LRIG1: variants seen among roughly 807,000 people sequenced by gnomAD.
The protein encoded by LRIG1 is leucine rich repeats and immunoglobulin like domains 1.
A neutral mutation model predicts 99.2 loss-of-function variants in LRIG1; 48 were observed. The ratio of observed to expected loss-of-function variants is 0.48; its 90% confidence interval spans 0.38 to 0.62. LRIG1 has a LOEUF of 0.62. Ranked by LOEUF, LRIG1 falls within the 20% of genes least tolerant of loss-of-function variation. LRIG1 has a pLI of 0.00. For synonymous variants in LRIG1, 772 were observed against 596.1 expected (o/e 1.29, Z -4.30); for missense variants, 1,646 against 1,434.4 (o/e 1.15, Z -2.38).
At chr3:66,392,172 A>G in intron 12 of LRIG1, among the ~76,000 whole-genome samples, 1 of 152,210 alleles carries the variant, frequency 6.6e-6, no homozygotes, top group East Asian at 1.9e-4. Flanking sequence ...GTATGGCTAT[A>G]CCACCTTTTG....
intron 3 of LRIG1, among the ~76,000 whole-genome samples, chr3:66,430,369 T>A (rs1162842855): frequency 6.6e-6 from 1 of 152,236 alleles, no homozygotes; most frequent in Non-Finnish European, 1.5e-5. Flanking sequence ...GGGTGGGGGT[T>A]ACTTACGCAT....
intron 9 of LRIG1, among the ~76,000 whole-genome samples, chr3:66,399,298 C>T (rs71308813): frequency 0.024 from 3,623 of 152,216 alleles, 71 homozygotes; most frequent in Non-Finnish European, 0.039. Flanking sequence ...TTGCATGTGC[C>T]GTCTGGCCTA....
chr3:66,499,700 A>C (rs1051433713), intron 1 of LRIG1, among the ~76,000 whole-genome samples: 2 of 152,138 alleles, frequency 1.3e-5, no homozygotes, highest in Non-Finnish European at 2.9e-5. Context: ...GACTGGACCC[A>C]ACAGTCACCT....
intron 15 of LRIG1, 86 bp downstream of exon 15, chr3:66,382,896 C>G: frequency 1.5e-6 from 2 of 1,304,338 alleles, no homozygotes; most frequent in Non-Finnish European, 2.1e-6. Context: ...GCAATTCTTT[C>G]AAAAGCCACT....
At chr3:66,440,742 C>A (rs1171355343) in intron 3 of LRIG1, among the ~76,000 whole-genome samples, 1 of 152,146 alleles carries the variant, frequency 6.6e-6, no homozygotes, top group Non-Finnish European at 1.5e-5. Context: ...TCAGTATATA[C>A]CAGACACTAT....
At chr3:66,483,787 G>T (rs929968001) in intron 1 of LRIG1, among the ~76,000 whole-genome samples, 6 of 152,060 alleles carry the variant, frequency 3.9e-5, no homozygotes, top group African/African-American at 1.5e-4. Flanking sequence ...CATGTCAACA[G>T]CTGGGAAGGG....
intron 3 of LRIG1, 25 bp from the exon 4 acceptor site, chr3:66,417,291 T>C (rs746838174): frequency 3.7e-6 from 6 of 1,602,052 alleles, no homozygotes; most frequent in Non-Finnish European, 3.4e-6. Flanking sequence ...GGGAGGTGAC[T>C]TGAGCATCTC....
chr3:66,435,408 A>G (rs1212187844), intron 3 of LRIG1, among the ~76,000 whole-genome samples: 1 of 152,060 alleles, frequency 6.6e-6, no homozygotes, highest in Non-Finnish European at 1.5e-5. Context: ...AAAACAAAAA[A>G]CAAAAAACAA....
chr3:66,437,510 C>T (rs1366976004), intron 3 of LRIG1, among the ~76,000 whole-genome samples: 1 of 152,162 alleles, frequency 6.6e-6, no homozygotes, highest in Non-Finnish European at 1.5e-5. Context: ...GGCTGGAGAG[C>T]CACGCCCTCC....
chr3:66,457,688 T>C (rs1700261979), intron 2 of LRIG1, among the ~76,000 whole-genome samples: 1 of 152,214 alleles, frequency 6.6e-6, no homozygotes, highest in Non-Finnish European at 1.5e-5. Flanking sequence ...AAGTAACTTG[T>C]CTAGGGTCTC....
intron 9 of LRIG1, among the ~76,000 whole-genome samples, chr3:66,402,838 T>C (rs1286394066): frequency 1.3e-5 from 2 of 152,170 alleles, no homozygotes; most frequent in Non-Finnish European, 2.9e-5. Flanking sequence ...TGGTCACTTC[T>C]CTCAGCCAGG....
intron 3 of LRIG1, among the ~76,000 whole-genome samples, chr3:66,429,298 G>T (rs1331567344): frequency 1.3e-5 from 2 of 152,130 alleles, no homozygotes; most frequent in Non-Finnish European, 2.9e-5. Flanking sequence ...ATCTAGGTAC[G>T]ATCAACAGCT....
intron 3 of LRIG1, among the ~76,000 whole-genome samples, chr3:66,442,240 G>A (rs570920775): frequency 1.8e-4 from 27 of 152,238 alleles, no homozygotes; most frequent in African/African-American, 5.1e-4. Context: ...GGAAAGGCCC[G>A]GCATAAACAC....
chr3:66,432,805 G>C (rs1045780821), intron 3 of LRIG1, among the ~76,000 whole-genome samples: 1 of 152,144 alleles, frequency 6.6e-6, no homozygotes, highest in African/African-American at 2.4e-5. Flanking sequence ...ATCCACCAGG[G>C]ACAGGGATAA....
At chr3:66,413,104 C>T in intron 5 of LRIG1, 90 bp from the exon 6 acceptor site, 1 of 1,478,626 alleles carries the variant, frequency 6.8e-7, no homozygotes, top group Middle Eastern at 1.7e-4. Context: ...AGTTTCCAAG[C>T]CAGAGGAGAA....
chr3:66,431,591 G>C (rs1007167395), intron 3 of LRIG1, among the ~76,000 whole-genome samples: 1 of 152,196 alleles, frequency 6.6e-6, no homozygotes, highest in Non-Finnish European at 1.5e-5. Flanking sequence ...GTTCCACAGG[G>C]ACTGGTCAGC....
chr3:66,414,966 T>C lies in LRIG1; in HGVS notation c.601A>G (p.Thr201Ala). 3.1e-6 allele frequency: 5 copies of C among 1,612,164 alleles called. No individual in the cohort carries two copies. The highest frequency in any genetic ancestry group is 3.4e-6 in the Non-Finnish European group (4 of 1,178,948). ...TTGAATGCTCTTACAGGAAGCTGGG[T>C]GATCCTGTTTTTGCTCAGGCGAAGA... ...LTLRLSKNRI[T>A]QLPVRAFKLP... Residue 201 changes from threonine to alanine, a missense_variant, in exon 5 of 19, where the codon ACC (threonine) becomes GCC (alanine). Physicochemically the swap from Thr to Ala is moderately conservative, Grantham distance 58. Transcript: ENST00000273261.
intron 1 of LRIG1, among the ~76,000 whole-genome samples, chr3:66,498,762 A>AAAGG (rs1278966787): frequency 6.6e-6 from 1 of 152,168 alleles, no homozygotes; most frequent in East Asian, 1.9e-4. Context: ...AACTGTAACT[A>AAAGG]AAGGGTTCCT....
intron 3 of LRIG1, among the ~76,000 whole-genome samples, chr3:66,430,663 A>G (rs1052084951): frequency 6.6e-6 from 1 of 152,154 alleles, no homozygotes; most frequent in Non-Finnish European, 1.5e-5. Context: ...AGTTAGTTCC[A>G]TGTCCACACG....
Sources: allele counts gnomAD v4.1 joint callset (sites outside exome capture counted in the v4.1 genomes callset), GRCh38; gene constraint gnomAD v4.1.1; transcripts MANE v1.5; gene names NCBI Gene and HGNC (gene_info 2026-07-23, HGNC 2026-07-21).